PKHD1: variants seen among roughly 807,000 people sequenced by gnomAD.
PKHD1 encodes the protein fibrocystin.
PKHD1 carries 291 observed loss-of-function variants against 412.0 expected under a neutral mutation model. The observed-to-expected ratio is 0.71, with a 90% CI of 0.64 to 0.78. The LOEUF (loss-of-function observed/expected upper bound fraction) is 0.78, where lower values mean the gene tolerates loss of function less well. Among genes scored for constraint, PKHD1 ranks in the 30% least tolerant of loss-of-function variants. PKHD1 has a pLI of 0.00. For synonymous variants in PKHD1, 1,777 were observed against 1,821.5 expected (o/e 0.98, Z 0.62); for missense variants, 4,825 against 4,950.7 (o/e 0.97, Z 0.76).
intron 63 of PKHD1, among the ~76,000 whole-genome samples, chr6:51,641,882 C>T (rs1444460574): frequency 1.3e-5 from 2 of 152,010 alleles, no homozygotes; most frequent in African/African-American, 4.8e-5. Context: ...ACATCACACA[C>T]TAGGGCCTGT....
chr6:51,872,415 G>T (rs199508473), intron 46 of PKHD1, among the ~76,000 whole-genome samples: 2 of 148,972 alleles, frequency 1.3e-5, no homozygotes, highest in Non-Finnish European at 3.0e-5. Context: ...TTGTTTTTTG[G>T]TTTTTTTTTT....
At chr6:51,859,345 T>G (rs1773813956) in intron 48 of PKHD1, among the ~76,000 whole-genome samples, 1 of 151,720 alleles carries the variant, frequency 6.6e-6, no homozygotes, top group Non-Finnish European at 1.5e-5. Flanking sequence ...GCTAACACGG[T>G]GAAACCCCGT....
rs1000475856 is a variant in PKHD1 at position 51,670,957 on chromosome 6, C to T, written c.10157-10988G>A. ...GGCTTCCCTTTGTGGGTAACCAGAC[C>T]TTTCTCTCTGGCTGCCCTTAACATT... On this transcript the variant is annotated intron_variant, in intron 60 of 66. Transcript: ENST00000371117. 3.5e-4 allele frequency among the ~76,000 whole-genome samples: 53 copies of T among 152,026 alleles called. 1 individual carries two copies. Among genetic ancestry groups the T allele is most frequent in the African/African-American group, 1.2e-3 (49 of 41,484 alleles).
intron 37 of PKHD1, among the ~76,000 whole-genome samples, chr6:51,917,191 G>T (rs542286893): frequency 2.4e-4 from 30 of 126,734 alleles, no homozygotes; most frequent in African/African-American, 3.4e-4. Context: ...GGGAGAGGTG[G>T]GGGGGAGAGA....
At chr6:51,753,384 A>C in intron 56 of PKHD1, 31 bp from the exon 57 acceptor site, 1 of 1,596,984 alleles carries the variant, frequency 6.3e-7, no homozygotes, top group African/African-American at 1.4e-5. Context: ...GGAAAAAAAA[A>C]CTTTAAAAAC....
chr6:51,857,092 T>C (rs938510879), intron 48 of PKHD1, among the ~76,000 whole-genome samples: 6 of 152,166 alleles, frequency 3.9e-5, no homozygotes, highest in Non-Finnish European at 7.4e-5. Flanking sequence ...ACCCAACTTA[T>C]TCTATACAGC....
chr6:51,777,921 T>C (rs906442179), intron 53 of PKHD1, among the ~76,000 whole-genome samples: 4 of 152,120 alleles, frequency 2.6e-5, no homozygotes, highest in African/African-American at 9.7e-5. Flanking sequence ...TTTTGCTATC[T>C]GCAATGGCCA....
chr6:51,721,697 C>A, intron 60 of PKHD1: 1 of 1,278,988 alleles, frequency 7.8e-7, no homozygotes, highest in Non-Finnish European at 9.9e-7. Context: ...CCAAAGATAT[C>A]CTGACTACGG....
chr6:52,070,291 T>G (rs1810408107), intron 10 of PKHD1, 115 bp downstream of exon 10: 1 of 767,346 alleles, frequency 1.3e-6, no homozygotes, highest in Non-Finnish European at 2.3e-6. Context: ...TACTATTCTG[T>G]TTTTATATGT....
At chr6:51,736,457 C>G (rs1783860140) in intron 60 of PKHD1, among the ~76,000 whole-genome samples, 1 of 152,114 alleles carries the variant, frequency 6.6e-6, no homozygotes. Flanking sequence ...CCGTATCCCC[C>G]CCTGCTTGGG....
intron 43 of PKHD1, among the ~76,000 whole-genome samples, chr6:51,894,649 T>C (rs1034018837): frequency 1.3e-5 from 2 of 152,340 alleles, no homozygotes; most frequent in East Asian, 1.9e-4. Context: ...TTCCCCTGCC[T>C]ACCTACCTTC....
intron 66 of PKHD1, chr6:51,621,970 C>G (rs1198460900): frequency 6.6e-6 from 1 of 152,234 alleles, no homozygotes; most frequent in East Asian, 1.9e-4. Flanking sequence ...CTTTCCACCT[C>G]TGCCTTGTTG....
In PKHD1 at chr6:51,904,060, C is replaced by A; in HGVS notation, c.6809-18G>T. 6.5e-7 allele frequency: 1 copy of A among 1,540,116 alleles called. No individual in the cohort carries two copies. The highest frequency in any genetic ancestry group is 1.1e-5 in the South Asian group (1 of 89,656). On this transcript the variant is annotated intron_variant, in intron 41 of 66. Coordinates refer to ENST00000371117, the MANE Select transcript of PKHD1 (RefSeq NM_138694.4). ...GCATGTCCCTGAGAACAAAAGACCC[C>A]ATTACTTGAGTATATTTTATGTCAC...
intron 40 of PKHD1, among the ~76,000 whole-genome samples, chr6:51,907,219 G>C (rs1309784838): frequency 2.6e-5 from 4 of 152,142 alleles, no homozygotes; most frequent in Non-Finnish European, 5.9e-5. Flanking sequence ...TAGTGAGAAA[G>C]ATACAGATGC....
At chr6:51,966,746 A>G (rs1792864797) in intron 35 of PKHD1, among the ~76,000 whole-genome samples, 2 of 152,126 alleles carry the variant, frequency 1.3e-5, no homozygotes, top group South Asian at 4.1e-4. Context: ...GACCTCATGG[A>G]GCTTATATTT....
chr6:52,049,044 T>C (rs1329638242), intron 22 of PKHD1, among the ~76,000 whole-genome samples: 1 of 152,196 alleles, frequency 6.6e-6, no homozygotes, highest in African/African-American at 2.4e-5. Context: ...GAGAACTCAT[T>C]TTGGAACATA....
rs1782990176 is a variant in PKHD1 at position 51,911,847 on chromosome 6, C to A, written c.6442G>T (p.Glu2148Ter). 1 of 1,612,800 alleles carries A rather than the reference C, an allele frequency of 6.2e-7. No homozygotes were observed. Among genetic ancestry groups the A allele is most frequent in the Non-Finnish European group, 8.5e-7 (1 of 1,178,988 alleles). Residue 2148 changes from glutamate (E) to a stop codon, truncating the protein, a stop_gained, in exon 39 of 67, where the codon GAG (glutamate) becomes TAG (stop). Transcript: ENST00000371117. LOFTEE classifies it high-confidence loss of function. ...SITIQGNLTN[E>*]REKLLVSCQE... ...CATGAAACAAGCAGCTTCTCCCTCT[C>A]ATTAGTGAGATTTCCTTGTATGGTA...
chr6:52,032,852 T>A (rs1385163805), intron 29 of PKHD1, among the ~76,000 whole-genome samples, 178 bp downstream of exon 29: 1 of 152,178 alleles, frequency 6.6e-6, no homozygotes, highest in Non-Finnish European at 1.5e-5. Flanking sequence ...ATTTTACAGA[T>A]GGAAAAGTAG....
rs201576327 is a variant in PKHD1, at chr6:52,046,173, A to G, written c.2423T>C (p.Ile808Thr). The change falls in exon 24 of 67, where the codon ATT becomes ACT. Residue 808 changes from isoleucine (I) to threonine (T), a missense_variant. Coordinates refer to ENST00000371117, the MANE Select transcript of PKHD1 (RefSeq NM_138694.4). ...NTVISDVPVQ[I>T]SAHHLHQLLQ... ...GAGCTGGTGAAGGTGATGAGCAGAA[A>G]TTTGTACAGGGACATCTGTGAGAGA... 1.2e-6 allele frequency: 2 copies of G among 1,612,840 alleles called. No individual in the cohort carries two copies. The highest frequency in any genetic ancestry group is 4.5e-5 in the East Asian group (2 of 44,864).
Sources: gnomAD v4.1 joint callset for allele counts (sites outside exome capture counted in the v4.1 genomes callset) on GRCh38, gnomAD v4.1.1 for gene constraint, MANE v1.5 for transcripts, NCBI Gene and HGNC (gene_info 2026-07-23, HGNC 2026-07-21) for gene names.